EXOC6B: variants seen among roughly 807,000 people sequenced by gnomAD.
EXOC6B encodes the protein SEC15 homolog B.
In EXOC6B, 54 loss-of-function variants were observed where a neutral mutation model predicts 113.5. The observed-to-expected ratio is 0.48, with a 90% CI of 0.38 to 0.60. The LOEUF is 0.60. Among genes scored for constraint, EXOC6B ranks in the 20% least tolerant of loss-of-function variants. EXOC6B has a pLI of 0.00. For synonymous variants in EXOC6B, 357 were observed against 339.0 expected (o/e 1.05, Z -0.58); for missense variants, 797 against 977.5 (o/e 0.82, Z 2.46).
intron 1 of EXOC6B, among the ~76,000 whole-genome samples, chr2:72,814,852 G>C (rs1469840491): frequency 6.6e-6 from 1 of 152,228 alleles, no homozygotes; most frequent in South Asian, 2.1e-4. Flanking sequence ...TTAGCCAGGC[G>C]TGGTGGCAGG....
chr2:72,601,010 T>C (rs1670389324), intron 6 of EXOC6B, among the ~76,000 whole-genome samples: 1 of 151,492 alleles, frequency 6.6e-6, no homozygotes, highest in African/African-American at 2.4e-5. Flanking sequence ...AGATAGCAAA[T>C]AATCACATAT....
chr2:72,587,965 G>C (rs1257586078), intron 6 of EXOC6B, among the ~76,000 whole-genome samples: 1 of 151,974 alleles, frequency 6.6e-6, no homozygotes, highest in Non-Finnish European at 1.5e-5. Context: ...GAGAATACAA[G>C]TTAAAACCAC....
At chr2:72,565,277 G>A (rs922667605) in intron 7 of EXOC6B, among the ~76,000 whole-genome samples, 1 of 151,054 alleles carries the variant, frequency 6.6e-6, no homozygotes, top group Non-Finnish European at 1.5e-5. Flanking sequence ...CTTGAGCCTG[G>A]GAGGACGAGG....
chr2:72,435,707 T>C (rs907578729), intron 18 of EXOC6B, among the ~76,000 whole-genome samples: 1 of 149,952 alleles, frequency 6.7e-6, no homozygotes, highest in East Asian at 1.9e-4. Flanking sequence ...TAGGATTGCA[T>C]CCCCTGCTTT....
chr2:72,808,030 C>T (rs1685676005), intron 1 of EXOC6B, among the ~76,000 whole-genome samples: 1 of 152,168 alleles, frequency 6.6e-6, no homozygotes, highest in South Asian at 2.1e-4. Context: ...GTGATTATTA[C>T]ACATTGCATG....
At chr2:72,544,426 A>G (rs1412293229) in intron 8 of EXOC6B, among the ~76,000 whole-genome samples, 1 of 152,090 alleles carries the variant, frequency 6.6e-6, no homozygotes, top group Non-Finnish European at 1.5e-5. Context: ...CTGAGTCCTC[A>G]TCAGGTCTCT....
At chr2:72,373,064 CT>C (rs79852175) in intron 19 of EXOC6B, among the ~76,000 whole-genome samples, 396 of 136,328 alleles carry the variant, frequency 2.9e-3, no homozygotes, top group Admixed American at 3.1e-3. Context: ...TCTCGGAAGA[CT>C]TTTTTTTTTT....
chr2:72,504,962 G>A lies in EXOC6B; in HGVS notation c.1168-4990C>T, dbSNP rs183720585. On this transcript the variant is annotated intron_variant, in intron 11 of 21. Coordinates refer to ENST00000272427, the MANE Select transcript of EXOC6B (RefSeq NM_015189.3). ...CTCTTTTGAGATGTCTATCTTTAAT[G>A]TAATGATTTGGTAGGAATTCTTCAT... is the stretch of plus-strand genomic sequence containing the variant. Among the ~76,000 whole-genome samples the A allele has an allele frequency of 1.5e-3, 222 of 152,172 alleles. 1 individual carries two copies. Among genetic ancestry groups the A allele is most frequent in the Admixed American group, 2.7e-3 (42 of 15,278 alleles).
intron 7 of EXOC6B, among the ~76,000 whole-genome samples, chr2:72,563,454 T>C (rs911841845): frequency 6.6e-6 from 1 of 152,160 alleles, no homozygotes; most frequent in African/African-American, 2.4e-5. Flanking sequence ...AATATATTTG[T>C]TGTTAAATAG....
intron 19 of EXOC6B, among the ~76,000 whole-genome samples, chr2:72,370,381 T>C (rs1217308759): frequency 2.0e-5 from 3 of 152,110 alleles, no homozygotes; most frequent in African/African-American, 7.2e-5. Flanking sequence ...GGAGAGGATG[T>C]GGAGAAATAG....
chr2:72,543,081 G>A (rs941432869), intron 8 of EXOC6B, among the ~76,000 whole-genome samples: 1 of 152,130 alleles, frequency 6.6e-6, no homozygotes, highest in Non-Finnish European at 1.5e-5. Context: ...TGAGAAGTAT[G>A]TTTCAGGAAA....
intron 20 of EXOC6B, among the ~76,000 whole-genome samples, chr2:72,274,864 A>G (rs1684717836): frequency 6.6e-6 from 1 of 152,152 alleles, no homozygotes; most frequent in African/African-American, 2.4e-5. Flanking sequence ...CTCAGCCAAA[A>G]CAAAAGGGAC....
intron 6 of EXOC6B, among the ~76,000 whole-genome samples, chr2:72,600,471 A>G (rs977823815): frequency 6.6e-6 from 1 of 150,714 alleles, no homozygotes; most frequent in African/African-American, 2.4e-5. Context: ...AAAAACTACA[A>G]TAACTAAGAT....
chr2:72,288,541 T>A (rs1239157306), intron 20 of EXOC6B, among the ~76,000 whole-genome samples: 1 of 152,150 alleles, frequency 6.6e-6, no homozygotes, highest in African/African-American at 2.4e-5. Context: ...ATAAACTGCT[T>A]CATACAACAG....
intron 20 of EXOC6B, among the ~76,000 whole-genome samples, chr2:72,255,186 G>A (rs771475556): frequency 1.3e-5 from 2 of 152,148 alleles, no homozygotes; most frequent in Admixed American, 1.3e-4. Flanking sequence ...GGACCCTTCT[G>A]TCTAGTGGCA....
At chr2:72,476,448 G>A (rs931409680) in intron 17 of EXOC6B, among the ~76,000 whole-genome samples, 8 of 152,152 alleles carry the variant, frequency 5.3e-5, no homozygotes, top group African/African-American at 9.6e-5. Context: ...ACCTCTAGTC[G>A]GTCATCTTGA....
chr2:72,250,933 T>G (rs113882384), intron 20 of EXOC6B, among the ~76,000 whole-genome samples: 7,141 of 152,128 alleles, frequency 0.047, 574 homozygotes, highest in African/African-American at 0.16. Context: ...CTGCAGCCTC[T>G]GCCTCCTGAC....
At chr2:72,378,188 T>C (rs1178930773) in intron 19 of EXOC6B, among the ~76,000 whole-genome samples, 1 of 152,194 alleles carries the variant, frequency 6.6e-6, no homozygotes, top group Non-Finnish European at 1.5e-5. Context: ...AGAGTTTCAC[T>C]CTGCACATGG....
At chr2:72,725,732 T>C (rs1220437264) in intron 5 of EXOC6B, among the ~76,000 whole-genome samples, 2 of 152,146 alleles carry the variant, frequency 1.3e-5, no homozygotes, top group African/African-American at 4.8e-5. Flanking sequence ...TATGCAGAAA[T>C]TGGAAACATC....
Sources: allele counts gnomAD v4.1 joint callset (sites outside exome capture counted in the v4.1 genomes callset), GRCh38; gene constraint gnomAD v4.1.1; transcripts MANE v1.5; gene names NCBI Gene and HGNC (gene_info 2026-07-23, HGNC 2026-07-21).